STAG1: variants seen among roughly 807,000 people sequenced by gnomAD.
STAG1 encodes the protein cohesin subunit SA-1.
In STAG1, 26 loss-of-function variants were observed where a neutral mutation model predicts 170.9. That is an observed-to-expected ratio of 0.15 (90% CI 0.11 to 0.21). The LOEUF (loss-of-function observed/expected upper bound fraction) is 0.21, where lower values mean the gene tolerates loss of function less well. Ranked by LOEUF, STAG1 falls within the 10% of genes least tolerant of loss-of-function variation. The pLI is 1.00. For missense variants in STAG1, 964 were observed against 1,509.5 expected, an observed-to-expected ratio of 0.64 and a Z score of 5.99; for synonymous variants, 514 against 497.7, an observed-to-expected ratio of 1.03 and a Z score of -0.44.
At chr3:136,719,687 GTGGA>G (rs1217789868) in intron 1 of STAG1, among the ~76,000 whole-genome samples, 5 of 124,854 alleles carry the variant, frequency 4.0e-5, no homozygotes, top group Non-Finnish European at 6.7e-5. Context: ...GGGTGGGTGG[GTGGA>G]TGGATGGATG....
chr3:136,658,088 G>A (rs908070038), intron 1 of STAG1, among the ~76,000 whole-genome samples: 6 of 151,942 alleles, frequency 3.9e-5, no homozygotes, highest in African/African-American at 1.5e-4. Context: ...TTCAGGGGGG[G>A]CTGAGGTGGG....
intron 4 of STAG1, among the ~76,000 whole-genome samples, chr3:136,581,394 G>A (rs1265120035): frequency 1.3e-5 from 2 of 151,956 alleles, no homozygotes; most frequent in Non-Finnish European, 2.9e-5. Context: ...CTAATATTTT[G>A]CTGTTGCAAT....
chr3:136,418,359 CCAAAAAAAAAAAAAA>C (rs2087837470), intron 20 of STAG1, among the ~76,000 whole-genome samples: 2 of 18,782 alleles, frequency 1.1e-4, no homozygotes, highest in African/African-American at 7.6e-4. Context: ...GACTCTGTCT[CCAAAAAAAAAAAAAA>C]AAAAAAAAAA....
chr3:136,476,451 G>C (rs967127226), intron 10 of STAG1, among the ~76,000 whole-genome samples: 43 of 152,312 alleles, frequency 2.8e-4, no homozygotes, highest in Non-Finnish European at 5.9e-4. Context: ...CTTGCTCAAT[G>C]AATATGGTAT....
In STAG1 at chr3:136,363,387, A is replaced by T. The variant is rs202221089; in HGVS notation, c.2766T>A (p.Thr922=). 1.2e-6 allele frequency: 2 copies of T among 1,600,310 alleles called. No homozygotes were observed. Among genetic ancestry groups the T allele is most frequent in the African/African-American group, 1.3e-5 (1 of 74,508 alleles). The change falls in exon 26 of 34, where the codon ACT becomes ACA. Residue 922 remains threonine (T), a synonymous_variant. Transcript: ENST00000383202. ...RQIDKIQCAK[T]LILSLQQLFN... ...TTACCTGTTGCAAACTGAGAATGAGAGTCTTGGCACACTGAATTTTATCAA... is the reference window on the plus strand; with the variant it reads ...TTACCTGTTGCAAACTGAGAATGAGTGTCTTGGCACACTGAATTTTATCAA...
At chr3:136,432,191 A>G (rs1205457596) in intron 16 of STAG1, among the ~76,000 whole-genome samples, 2 of 152,140 alleles carry the variant, frequency 1.3e-5, no homozygotes, top group Non-Finnish European at 1.5e-5. Context: ...TAAATCTGCT[A>G]ATTAACTTAC....
rs1009928059 is a variant in STAG1, at chr3:136,675,384, T to C, written c.-83-44403A>G. On this transcript the variant is annotated intron_variant, in intron 1 of 33. Coordinates refer to ENST00000383202, the MANE Select transcript of STAG1 (RefSeq NM_005862.3). ...TTAATCATAGAGACATCTGTCCTGA[T>C]ACCACCACGCCAGTGAATCAATACC... 9.9e-5 allele frequency among the ~76,000 whole-genome samples: 15 copies of C among 152,174 alleles called. No homozygotes were observed. In the East Asian group the frequency reaches 2.9e-3, roughly 29 times the overall value.
chr3:136,606,950 CTG>C (rs1030455070), intron 3 of STAG1, among the ~76,000 whole-genome samples: 16 of 151,922 alleles, frequency 1.1e-4, no homozygotes, highest in African/African-American at 3.6e-4. Context: ...TGTGGTTTCA[CTG>C]TGTTAGGCAG....
intron 6 of STAG1, among the ~76,000 whole-genome samples, chr3:136,524,295 T>G (rs1934872434): frequency 6.6e-6 from 1 of 152,208 alleles, no homozygotes; most frequent in South Asian, 2.1e-4. Flanking sequence ...TAGTTCTCCT[T>G]GAAGAGGTCC....
chr3:136,440,341 G>A (rs1288286201), intron 15 of STAG1, among the ~76,000 whole-genome samples: 1 of 151,992 alleles, frequency 6.6e-6, no homozygotes, highest in African/African-American at 2.4e-5. Flanking sequence ...GTTTCACCGT[G>A]TTAGCCAGGA....
chr3:136,445,490 AAG>A (rs1205364987), intron 14 of STAG1, among the ~76,000 whole-genome samples: 1 of 152,172 alleles, frequency 6.6e-6, no homozygotes, highest in African/African-American at 2.4e-5. Context: ...AGCTAAAATA[AAG>A]AGTTTCAGTT....
chr3:136,718,893 C>T (rs1933029772), intron 1 of STAG1, among the ~76,000 whole-genome samples: 1 of 152,076 alleles, frequency 6.6e-6, no homozygotes, highest in African/African-American at 2.4e-5. Context: ...CGCCACTGCA[C>T]TCCATCCTGG....
chr3:136,542,272 G>A (rs1345086715), intron 5 of STAG1, 77 bp from the exon 6 acceptor site: 24 of 1,063,290 alleles, frequency 2.3e-5, no homozygotes, highest in Admixed American at 1.6e-4. Flanking sequence ...GCATTAACAA[G>A]TTATCTGTGA....
At chr3:136,460,698 A>G (rs2089250046) in intron 13 of STAG1, among the ~76,000 whole-genome samples, 2 of 152,064 alleles carry the variant, frequency 1.3e-5, no homozygotes, top group Admixed American at 6.6e-5. Context: ...CCCAAAAAAA[A>G]AAGCCCGGTA....
intron 3 of STAG1, among the ~76,000 whole-genome samples, chr3:136,616,121 T>G (rs556635532): frequency 6.6e-6 from 1 of 151,728 alleles, no homozygotes; most frequent in Non-Finnish European, 1.5e-5. Context: ...ACAAAAAAAG[T>G]AGCCAGGCAT....
chr3:136,628,795 G>C (rs1046707386), intron 2 of STAG1, among the ~76,000 whole-genome samples: 1 of 152,182 alleles, frequency 6.6e-6, no homozygotes, highest in Non-Finnish European at 1.5e-5. Flanking sequence ...CCAGAACCTA[G>C]TAGGCTTCCC....
intron 5 of STAG1, among the ~76,000 whole-genome samples, chr3:136,543,549 G>A (rs1362380017): frequency 6.6e-6 from 1 of 152,174 alleles, no homozygotes; most frequent in Non-Finnish European, 1.5e-5. Flanking sequence ...TACGTTAGAA[G>A]CCTCAGGAAA....
chr3:136,488,796 C>A (rs1039544539), intron 9 of STAG1, among the ~76,000 whole-genome samples: 1 of 152,142 alleles, frequency 6.6e-6, no homozygotes, highest in African/African-American at 2.4e-5. Context: ...GTCTAAATAT[C>A]CCTGATTTGA....
intron 5 of STAG1, among the ~76,000 whole-genome samples, chr3:136,559,965 G>A (rs981391778): frequency 1.3e-5 from 2 of 152,166 alleles, no homozygotes; most frequent in South Asian, 2.1e-4. Context: ...ACTAAGTTGT[G>A]AGGACCTAAA....
Sources: gnomAD v4.1 joint callset for allele counts (sites outside exome capture counted in the v4.1 genomes callset) on GRCh38, gnomAD v4.1.1 for gene constraint, MANE v1.5 for transcripts, NCBI Gene and HGNC (gene_info 2026-07-23, HGNC 2026-07-21) for gene names.